The following ROBO2 variants were observed in gnomAD, a reference collection of about 807,000 sequenced individuals.
The protein encoded by ROBO2 is roundabout homolog 2.
In ROBO2, 53 loss-of-function variants were observed where a neutral mutation model predicts 160.8. That is an observed-to-expected ratio of 0.33 (90% CI 0.26 to 0.41). The LOEUF (loss-of-function observed/expected upper bound fraction) is 0.41, where lower values mean the gene tolerates loss of function less well. Among genes scored for constraint, ROBO2 ranks in the 10% least tolerant of loss-of-function variants. The pLI, the probability that ROBO2 is intolerant of heterozygous loss-of-function variation, is 1.00. For synonymous variants in ROBO2, 664 were observed against 611.7 expected (o/e 1.09, Z -1.26); for missense variants, 1,577 against 1,722.4 (o/e 0.92, Z 1.49).
At chr3:76,283,740 A>G (rs927277210) in intron 2 of ROBO2, among the ~76,000 whole-genome samples, 18 of 151,982 alleles carry the variant, frequency 1.2e-4, no homozygotes, top group African/African-American at 3.9e-4. Flanking sequence ...TGGCTTCTGT[A>G]TCCCTGAAAC....
intron 6 of ROBO2, among the ~76,000 whole-genome samples, chr3:77,524,838 G>A (rs541965998): frequency 6.6e-6 from 1 of 150,476 alleles, no homozygotes; most frequent in Non-Finnish European, 1.5e-5. Context: ...CCCCTAATCT[G>A]TATACTGTAG....
intron 2 of ROBO2, among the ~76,000 whole-genome samples, chr3:77,114,784 T>C (rs910676643): frequency 6.6e-6 from 1 of 152,190 alleles, no homozygotes; most frequent in Non-Finnish European, 1.5e-5. Flanking sequence ...AGAAGTAATT[T>C]TTTTACTCAT....
Position 77,609,047 on chromosome 3 carries a change from T to A in ROBO2, c.3293+1093T>A, listed in dbSNP as rs781425816. ...TTTAATGATATCATTTGCCTTTTTT[T>A]ATAAAATAAAATATATATACATATA... On this transcript the variant is annotated intron_variant, in intron 21 of 25. Coordinates refer to ENST00000461745, the Ensembl canonical transcript of ROBO2. 8.6e-4 allele frequency among the ~76,000 whole-genome samples: 130 copies of A among 151,700 alleles called. 1 individual carries two copies. Among genetic ancestry groups the A allele is most frequent in the Admixed American group, 1.6e-3 (25 of 15,212 alleles).
At chr3:76,873,552 GTAGT>G (rs1476060403) in intron 2 of ROBO2, among the ~76,000 whole-genome samples, 4 of 152,296 alleles carry the variant, frequency 2.6e-5, no homozygotes, top group African/African-American at 7.2e-5. Flanking sequence ...AAGGAAGTTA[GTAGT>G]TAGTAGTAGT....
At chr3:76,211,757 T>C (rs1024724742) in intron 2 of ROBO2, among the ~76,000 whole-genome samples, 3 of 152,078 alleles carry the variant, frequency 2.0e-5, no homozygotes, top group Admixed American at 1.3e-4. Context: ...AAAGATTCTG[T>C]CTTTCAATGA....
At chr3:75,972,925 A>G (rs1392865385) in intron 2 of ROBO2, among the ~76,000 whole-genome samples, 2 of 151,778 alleles carry the variant, frequency 1.3e-5, no homozygotes, top group East Asian at 3.9e-4. Flanking sequence ...ATTAAAGTTT[A>G]GTGGCAGATG....
At chr3:77,441,078 T>C (rs1321476247) in intron 2 of ROBO2, among the ~76,000 whole-genome samples, 5 of 151,968 alleles carry the variant, frequency 3.3e-5, no homozygotes, top group African/African-American at 1.2e-4. Flanking sequence ...TACAAATGAG[T>C]AGAGTGTAGT....
intron 2 of ROBO2, among the ~76,000 whole-genome samples, chr3:76,351,418 ACAT>A (rs2074867006): frequency 1.3e-5 from 2 of 151,984 alleles, no homozygotes; most frequent in South Asian, 4.1e-4. Flanking sequence ...ACCTAACAGA[ACAT>A]CAGAATCACT....
At chr3:76,841,253 G>T (rs2148469865) in intron 2 of ROBO2, among the ~76,000 whole-genome samples, 1 of 152,232 alleles carries the variant, frequency 6.6e-6, no homozygotes, top group African/African-American at 2.4e-5. Context: ...TGGACCTAAG[G>T]GTGTGTGTGG....
chr3:76,102,393 T>G (rs547699244), intron 2 of ROBO2, among the ~76,000 whole-genome samples: 9 of 152,330 alleles, frequency 5.9e-5, no homozygotes, highest in African/African-American at 2.2e-4. Context: ...ATACTTCTAT[T>G]GGATACCAGG....
intron 5 of ROBO2, among the ~76,000 whole-genome samples, chr3:77,497,192 T>C (rs969961681): frequency 1.3e-5 from 2 of 152,080 alleles, no homozygotes; most frequent in African/African-American, 4.8e-5. Context: ...CGTTTCACAA[T>C]TGAGTATTTC....
intron 2 of ROBO2, among the ~76,000 whole-genome samples, chr3:76,338,678 T>C: frequency 6.6e-6 from 1 of 151,186 alleles, no homozygotes; most frequent in Non-Finnish European, 1.5e-5. Context: ...AGATCATGCT[T>C]CTTTTTTAAA....
chr3:76,101,698 TC>T (rs1015219781), intron 2 of ROBO2, among the ~76,000 whole-genome samples: 1 of 48,682 alleles, frequency 2.1e-5, no homozygotes, highest in African/African-American at 8.1e-5. Flanking sequence ...CCCTCCCCCC[TC>T]CCCCCACCCC....
intron 2 of ROBO2, among the ~76,000 whole-genome samples, chr3:76,173,228 A>C (rs2073108175): frequency 6.6e-6 from 1 of 151,334 alleles, no homozygotes. Flanking sequence ...GTGAGTATAT[A>C]TATGTGTGTG....
chr3:77,152,668 A>G (rs982572172), intron 2 of ROBO2, among the ~76,000 whole-genome samples: 2 of 152,248 alleles, frequency 1.3e-5, no homozygotes, highest in African/African-American at 4.8e-5. Context: ...CTGGATGCAC[A>G]TTAAAGAAAG....
At chr3:76,157,076 T>C (rs1339588922) in intron 2 of ROBO2, among the ~76,000 whole-genome samples, 2 of 152,188 alleles carry the variant, frequency 1.3e-5, no homozygotes, top group South Asian at 2.1e-4. Flanking sequence ...CAGAGAGAAT[T>C]GATATCCTCG....
intron 2 of ROBO2, among the ~76,000 whole-genome samples, chr3:76,897,876 A>G (rs2074929469): frequency 6.6e-6 from 1 of 152,282 alleles, no homozygotes; most frequent in South Asian, 2.1e-4. Flanking sequence ...TGTACAGTTA[A>G]TTGAACAATT....
chr3:76,931,422 C>G (rs1288558948), intron 2 of ROBO2, among the ~76,000 whole-genome samples: 2 of 152,078 alleles, frequency 1.3e-5, no homozygotes, highest in Non-Finnish European at 2.9e-5. Flanking sequence ...GTAGGTCAAG[C>G]ATGTGCCTCT....
intron 2 of ROBO2, among the ~76,000 whole-genome samples, chr3:76,764,325 T>G (rs2061463966): frequency 6.6e-6 from 1 of 151,748 alleles, no homozygotes; most frequent in Non-Finnish European, 1.5e-5. Context: ...ATCCATAGTT[T>G]GTTTAAACAT....
Sources: allele counts gnomAD v4.1 joint callset (sites outside exome capture counted in the v4.1 genomes callset), GRCh38; gene constraint gnomAD v4.1.1; transcripts MANE v1.5; gene names NCBI Gene and HGNC (gene_info 2026-07-23, HGNC 2026-07-21).